Variants in DNAL1 observed in about 807,000 individuals in gnomAD.
DNAL1 encodes chromosome 14 open reading frame 168.
In DNAL1, 17 loss-of-function variants were observed where a neutral mutation model predicts 29.4. The ratio of observed to expected loss-of-function variants is 0.58; its 90% CI spans 0.40 to 0.87. The LOEUF is 0.87. Among genes scored for constraint, DNAL1 ranks in the 40% least tolerant of loss-of-function variants. The pLI, the probability that DNAL1 is intolerant of heterozygous loss-of-function variation, is 0.00. For missense variants in DNAL1, 188 were observed against 214.1 expected, an observed-to-expected ratio of 0.88 and a Z score of 0.76; for synonymous variants, 78 against 76.3, an observed-to-expected ratio of 1.02 and a Z score of -0.12.
chr14:73,690,156 A>G (rs1892136283), intron 7 of DNAL1, among the ~76,000 whole-genome samples: 1 of 152,196 alleles, frequency 6.6e-6, no homozygotes, highest in East Asian at 1.9e-4. Context: ...GCTTGAGGTC[A>G]GGAGTTTGAG....
At chr14:73,670,984 C>T (rs528732855) in intron 4 of DNAL1, among the ~76,000 whole-genome samples, 1 of 152,232 alleles carries the variant, frequency 6.6e-6, no homozygotes, top group South Asian at 2.1e-4. Context: ...GATCCGCCCG[C>T]CTCAGCCTCC....
intron 1 of DNAL1, among the ~76,000 whole-genome samples, chr14:73,649,357 A>C (rs1360084169): frequency 1.3e-4 from 19 of 148,234 alleles, no homozygotes; most frequent in Non-Finnish European, 2.5e-4. Flanking sequence ...ATCTCGGCTC[A>C]CGGCAAGCTC....
chr14:73,695,970 T>G lies in DNAL1; in HGVS notation c.*28T>G. Reference sequence around the variant, plus strand: ...CCACGCTTTCCACTGTGTGTTAACTTATTTAAATGTCATAAGAACAATAGA... The same window carrying G: ...CCACGCTTTCCACTGTGTGTTAACTGATTTAAATGTCATAAGAACAATAGA... On this transcript the variant is annotated 3_prime_UTR_variant, in exon 8 of 8. Coordinates refer to ENST00000553645, the MANE Select transcript of DNAL1 (RefSeq NM_031427.4). 2 of 1,560,222 alleles carry G rather than the reference T, an allele frequency of 1.3e-6. No homozygotes were observed. The highest frequency in any genetic ancestry group is 1.2e-5 in the South Asian group (1 of 84,306).
chr14:73,677,908 G>GA (rs1566887478), intron 5 of DNAL1, among the ~76,000 whole-genome samples: 13 of 144,700 alleles, frequency 9.0e-5, no homozygotes, highest in Non-Finnish European at 2.0e-4. Context: ...GTGTGTGTGT[G>GA]TGTGTGTGAT....
At chr14:73,645,401 C>T (rs10132486) in intron 1 of DNAL1, among the ~76,000 whole-genome samples, 6,495 of 152,094 alleles carry the variant, frequency 0.043, 148 homozygotes, top group Middle Eastern at 0.082. Context: ...TTAGTGACCC[C>T]CCCGTCGAGA....
At position 73,696,529 on chromosome 14, in the gene DNAL1, CTTAT is replaced by C. The variant is rs1271747782; in HGVS notation, c.*590_*593del. 4 of 152,314 alleles carry C rather than the reference CTTAT, an allele frequency of 2.6e-5. No individual in the cohort carries two copies. The highest frequency in any genetic ancestry group is 4.1e-4 in the South Asian group (2 of 4,822). The allele number at this position is 152,314 out of a possible 1,614,324, so 9.4% of individuals were successfully genotyped here. A position where few individuals can be genotyped will look rare whatever the true frequency, so the allele number is the denominator to read the frequency against. ...CAGAGACCTTCTAGTCTATATTATA[CTTAT>C]TTGTTTTTCCAAAAATGTGCACATT... On this transcript the variant is annotated 3_prime_UTR_variant, in exon 8 of 8. Transcript: ENST00000553645.
At chr14:73,681,605 C>CAAAAA (rs71112792) in intron 5 of DNAL1, among the ~76,000 whole-genome samples, 3 of 52,880 alleles carry the variant, frequency 5.7e-5, no homozygotes, top group Admixed American at 2.9e-4. Context: ...CCATCTCTAC[C>CAAAAA]AAAAAAAAAA....
At chr14:73,648,381 G>T (rs539362235) in intron 1 of DNAL1, among the ~76,000 whole-genome samples, 1 of 67,664 alleles carries the variant, frequency 1.5e-5, no homozygotes, top group Admixed American at 1.4e-4. Context: ...TCTGATTCTC[G>T]ATGTGTTATA....
At chr14:73,695,077 A>AC (rs1892272227) in intron 7 of DNAL1, among the ~76,000 whole-genome samples, 2 of 83,178 alleles carry the variant, frequency 2.4e-5, no homozygotes, top group African/African-American at 1.1e-4. Flanking sequence ...TTTTTTTGAG[A>AC]CAGGGTCTTA....
Position 73,689,237 on chromosome 14 carries a change from T to C in DNAL1, c.392-138T>C, listed in dbSNP as rs527889789. On this transcript the variant is annotated intron_variant, in intron 6 of 7. Transcript: ENST00000553645. ...TTAGTAGAGATGGGGTTTCACTGTG[T>C]TAGCCAGGATGGTCTCGATCTCCTG... 1.9e-5 allele frequency: 18 copies of C among 969,466 alleles called. No homozygotes were observed. In the African/African-American group the frequency reaches 2.3e-4, roughly 12 times the overall value. 60.1% of individuals were successfully genotyped at this position (969,466 alleles called of 1,614,324 possible).
rs561560358 is a variant in DNAL1 at position 73,669,577 on chromosome 14, AATTTTTT to A, written c.209-1944_209-1938del. On this transcript the variant is annotated intron_variant, in intron 4 of 7. Coordinates refer to ENST00000553645, the MANE Select transcript of DNAL1 (RefSeq NM_031427.4). ...GGCATGAGCCACCACGCCCGGTCTA[AATTTTTT>A]ATTTTTTATTTTTTATTTTTATTTC... Among the ~76,000 whole-genome samples the A allele has an allele frequency of 9.2e-4, 140 of 152,156 alleles. 3 individuals are homozygous for A. In the South Asian group the frequency reaches 0.024, roughly 26 times the overall value.
At chr14:73,659,514 TCTC>T (rs1314719359) in intron 3 of DNAL1, 1 of 152,112 alleles carries the variant, frequency 6.6e-6, no homozygotes, top group African/African-American at 2.4e-5. Context: ...AAAATATACA[TCTC>T]CTAGTCTTTT....
intron 1 of DNAL1, among the ~76,000 whole-genome samples, chr14:73,645,805 C>T (rs1890963797): frequency 6.6e-6 from 1 of 152,196 alleles, no homozygotes; most frequent in Non-Finnish European, 1.5e-5. Flanking sequence ...CTCCTCAACT[C>T]TTACTTGATG....
chr14:73,659,792 C>A (rs985925262), intron 3 of DNAL1: 1 of 152,160 alleles, frequency 6.6e-6, no homozygotes, highest in African/African-American at 2.4e-5. Context: ...ATAAAAAACA[C>A]ATTATAAAAC....
At chr14:73,650,722 C>T (rs758093089) in intron 1 of DNAL1, among the ~76,000 whole-genome samples, 2 of 151,966 alleles carry the variant, frequency 1.3e-5, no homozygotes, top group Non-Finnish European at 2.9e-5. Flanking sequence ...GAAATCCTCC[C>T]ACCTCAGCCT....
intron 1 of DNAL1, chr14:73,653,276 G>GT (rs1177360468): frequency 6.6e-5 from 10 of 152,298 alleles, no homozygotes; most frequent in Admixed American, 3.3e-4. Context: ...ACAGAGGTGT[G>GT]TTTTGGGGGG....
In DNAL1 at chr14:73,662,050, A is replaced by AT; in HGVS notation, c.208+10dup. 6.4e-7 allele frequency: 1 copy of AT among 1,554,594 alleles called. No homozygotes were observed. The highest frequency in any genetic ancestry group is 8.7e-7 in the Non-Finnish European group (1 of 1,146,646). ...CCAACCTGAATGGCTTAAGTAAGTG[A>AT]TTCACAGTAACAGATGGTTCATGGA... On this transcript the variant is annotated intron_variant, in intron 4 of 7. Coordinates refer to ENST00000553645, the MANE Select transcript of DNAL1 (RefSeq NM_031427.4).
chr14:73,675,065 C>G (rs1891699545), intron 5 of DNAL1, among the ~76,000 whole-genome samples: 1 of 152,052 alleles, frequency 6.6e-6, no homozygotes, highest in Non-Finnish European at 1.5e-5. Flanking sequence ...ATCCACCTGC[C>G]TCAACCTCCC....
rs1031999286 is a variant in DNAL1, at chr14:73,701,436, G to C, written c.*5494G>C. 1 of 152,158 alleles carries C rather than the reference G, an allele frequency of 6.6e-6. No individual in the cohort carries two copies. Among genetic ancestry groups the C allele is most frequent in the Non-Finnish European group, 1.5e-5 (1 of 68,034 alleles). 9.4% of individuals were successfully genotyped at this position (152,158 alleles called of 1,614,324 possible). ...ATTTCCCTTTTTCCCTACTTGAGTC[G>C]TCTTCCATGTCTGTTACATCCAAGA... On this transcript the variant is annotated 3_prime_UTR_variant, in exon 8 of 8. Transcript: ENST00000553645.
Sources: gnomAD v4.1 joint callset for allele counts (sites outside exome capture counted in the v4.1 genomes callset) on GRCh38, gnomAD v4.1.1 for gene constraint, MANE v1.5 for transcripts, NCBI Gene and HGNC (gene_info 2026-07-23, HGNC 2026-07-21) for gene names.